The following RGS14 variants were observed in gnomAD, a reference collection of about 807,000 sequenced individuals.
RGS14 encodes regulator of G-protein signaling 14.
In RGS14, 33 loss-of-function variants were observed where a neutral mutation model predicts 63.8. The ratio of observed to expected loss-of-function variants is 0.52; its 90% CI spans 0.39 to 0.69. The LOEUF (loss-of-function observed/expected upper bound fraction) is 0.69, where lower values mean the gene tolerates loss of function less well. RGS14 is among the 30% of genes least tolerant of loss of function. RGS14 has a pLI of 0.00. For synonymous variants in RGS14, 296 were observed against 320.9 expected, an observed-to-expected ratio of 0.92 and a Z score of 0.83; for missense variants, 739 against 742.9, an observed-to-expected ratio of 0.99 and a Z score of 0.06.
chr5:177,367,205 A>T (rs1487778816), intron 5 of RGS14, 171 bp downstream of exon 5: 4 of 1,094,296 alleles, frequency 3.7e-6, no homozygotes, highest in Middle Eastern at 3.2e-4. Flanking sequence ...TATCAGAGGC[A>T]CGGGGAAGGA....
intron 8 of RGS14, among the ~76,000 whole-genome samples, 197 bp downstream of exon 8, chr5:177,368,463 G>A (rs1762162323): frequency 6.6e-6 from 1 of 152,234 alleles, no homozygotes; most frequent in Non-Finnish European, 1.5e-5. Flanking sequence ...ATCCTCAGTT[G>A]GCAAATGTGT....
rs781731097 is a variant in RGS14, at chr5:177,364,576, G to A, written c.46-1387G>A. ...GTCAGGGGTGATAGGCGCTGGAGCC[G>A]TTACCAGGAAGTTGGTTATGTGTGT... is the stretch of plus-strand genomic sequence containing the variant. On this transcript the variant is annotated intron_variant, in intron 1 of 14. Coordinates refer to ENST00000408923, the MANE Select transcript of RGS14 (RefSeq NM_006480.5). The surrounding 1 kb of genome is among the most constrained non-coding windows in gnomAD (Gnocchi z 4.6). Among the ~76,000 whole-genome samples the A allele has an allele frequency of 7.2e-5, 11 of 152,152 alleles. No homozygotes were observed. Among genetic ancestry groups the A allele is most frequent in the Admixed American group, 1.3e-4 (2 of 15,280 alleles).
Position 177,367,702 on chromosome 5 carries a change from C to G in RGS14, c.628-12C>G, listed in dbSNP as rs1229182969. 1.2e-6 allele frequency: 2 copies of G among 1,610,704 alleles called. No individual in the cohort carries two copies. The highest frequency in any genetic ancestry group is 1.1e-5 in the South Asian group (1 of 90,528). ...GCCCAGCCCGGTGCCAGCGCCTCCC[C>G]TGTACCCACAGAAGCCGAAGCTGAA... On this transcript the variant is annotated splice_polypyrimidine_tract_variant and intron_variant, in intron 6 of 14. Transcript: ENST00000408923.
At chr5:177,365,887 T>C in intron 1 of RGS14, 76 bp from the exon 2 acceptor site, 1 of 1,483,048 alleles carries the variant, frequency 6.7e-7, no homozygotes, top group Non-Finnish European at 9.4e-7. Flanking sequence ...TTCCAGCTCC[T>C]GGGAGTCGGG....
intron 7 of RGS14, 60 bp from the exon 8 acceptor site, chr5:177,368,097 T>C (rs2127333538): frequency 6.3e-7 from 1 of 1,579,590 alleles, no homozygotes; most frequent in East Asian, 2.3e-5. Context: ...GGGAACAGGC[T>C]TCCGCAGAGG....
chr5:177,371,655 G>C lies in RGS14; in HGVS notation c.1498+66G>C. The C allele has an allele frequency of 4.7e-6, 7 of 1,491,598 alleles. No individual in the cohort carries two copies. The highest frequency in any genetic ancestry group is 6.5e-6 in the Non-Finnish European group (7 of 1,071,696). 92.4% of individuals were successfully genotyped at this position (1,491,598 alleles called of 1,614,324 possible). Reference sequence around the variant, plus strand: ...GTGGGGTTGGGGACCATTCAGGGTGGCATCAGAGAGCCTTGAGCTAAGGCA... The same window carrying C: ...GTGGGGTTGGGGACCATTCAGGGTGCCATCAGAGAGCCTTGAGCTAAGGCA... On this transcript the variant is annotated intron_variant, in intron 14 of 14. Transcript: ENST00000408923. This position sits in a 1 kb window ranked among gnomAD's most constrained non-coding sequence, Gnocchi z 6.1.
intron 1 of RGS14, among the ~76,000 whole-genome samples, chr5:177,360,566 TAAAAA>T (rs750301708): frequency 0.011 from 717 of 64,816 alleles, 9 homozygotes; most frequent in African/African-American, 0.038. Context: ...GATCCTATAT[TAAAAA>T]AAAAAAAAAA....
chr5:177,369,661 C>T (rs1194300566), intron 9 of RGS14, among the ~76,000 whole-genome samples: 2 of 152,198 alleles, frequency 1.3e-5, no homozygotes, highest in Non-Finnish European at 2.9e-5. Flanking sequence ...TGTGGATGGG[C>T]AGAGCTGTGG....
intron 10 of RGS14, 80 bp downstream of exon 10, chr5:177,370,744 G>GC: frequency 6.5e-7 from 1 of 1,544,154 alleles, no homozygotes. Context: ...GGCTCCCCAG[G>GC]CCCCGCCCCT....
chr5:177,358,008 C>A lies in RGS14; in HGVS notation c.-17C>A. On this transcript the variant is annotated 5_prime_UTR_variant, in exon 1 of 15. Coordinates refer to ENST00000408923, the MANE Select transcript of RGS14 (RefSeq NM_006480.5). The surrounding 1 kb of genome is among the most constrained non-coding windows in gnomAD (Gnocchi z 4.8). ...GGTGGGCAGCCCCCGCGGCGGGGAC[C>A]CCTGATCGGCAGCGGCATGCCAGGG... is the stretch of plus-strand genomic sequence containing the variant. 1 of 1,354,504 alleles carries A rather than the reference C, an allele frequency of 7.4e-7. No homozygotes were observed. The highest frequency in any genetic ancestry group is 9.6e-7 in the Non-Finnish European group (1 of 1,043,716). 83.9% of individuals were successfully genotyped at this position (1,354,504 alleles called of 1,614,324 possible). A position where few individuals can be genotyped will look rare whatever the true frequency, so the allele number is the denominator to read the frequency against.
At chr5:177,370,738 C>T in intron 10 of RGS14, 74 bp downstream of exon 10, 1 of 1,555,802 alleles carries the variant, frequency 6.4e-7, no homozygotes, top group Non-Finnish European at 8.8e-7. Flanking sequence ...CTACCTGGCT[C>T]CCCAGGCCCC....
chr5:177,362,675 G>C (rs1041828116), intron 1 of RGS14, among the ~76,000 whole-genome samples: 3 of 152,096 alleles, frequency 2.0e-5, no homozygotes, highest in South Asian at 2.1e-4. Flanking sequence ...GTGGAGGTGA[G>C]GGGGAGGAAA....
chr5:177,372,196 C>G lies in RGS14; in HGVS notation c.*121C>G. ...CTGGCCCCTTCCTGCCATGGGCAGG[C>G]CCGCAGGAAGAGCCGGTAGGGGTGG... On this transcript the variant is annotated 3_prime_UTR_variant, in exon 15 of 15. Transcript: ENST00000408923. 2 of 1,009,724 alleles carry G rather than the reference C, an allele frequency of 2.0e-6. No individual in the cohort carries two copies. Among genetic ancestry groups the G allele is most frequent in the Non-Finnish European group, 2.9e-6 (2 of 681,276 alleles). 62.5% of individuals were successfully genotyped at this position (1,009,724 alleles called of 1,614,324 possible). A position where few individuals can be genotyped will look rare whatever the true frequency, so the allele number is the denominator to read the frequency against.
In RGS14 at chr5:177,372,353, A is replaced by T; in HGVS notation, c.*278A>T. ...GCCCCTTGGAACAGGCTTGCCCAAC[A>T]TGGAGGGATGGCGTTGGCAGTGCCA... is the stretch of plus-strand genomic sequence containing the variant. On this transcript the variant is annotated 3_prime_UTR_variant, in exon 15 of 15. Transcript: ENST00000408923. The T allele has an allele frequency of 2.8e-6, 1 of 356,394 alleles. No homozygotes were observed. Among genetic ancestry groups the T allele is most frequent in the Non-Finnish European group, 5.1e-6 (1 of 195,062 alleles). 22.1% of individuals were successfully genotyped at this position (356,394 alleles called of 1,614,324 possible). A position where few individuals can be genotyped will look rare whatever the true frequency, so the allele number is the denominator to read the frequency against.
In RGS14 at chr5:177,371,072, GCC is replaced by G. The variant is rs1214556738; in HGVS notation, c.1254+42_1254+43del. 56 of 162,378 alleles carry G rather than the reference GCC, an allele frequency of 3.4e-4. No individual in the cohort carries two copies. Among genetic ancestry groups the G allele is most frequent in the South Asian group, 1.5e-3 (4 of 2,734 alleles). The allele number at this position is 162,378 out of a possible 1,614,324, so 10.1% of individuals were successfully genotyped here. A position where few individuals can be genotyped will look rare whatever the true frequency, so the allele number is the denominator to read the frequency against. ...GCGGGGCGGGGCGGGGCGGGGCCGG[GCC>G]GGGGCCGGGGCCGGGGCCGGGGCCG... On this transcript the variant is annotated intron_variant, in intron 11 of 14. Transcript: ENST00000408923. This position sits in a 1 kb window ranked among gnomAD's most constrained non-coding sequence, Gnocchi z 6.1.
chr5:177,367,455 C>G lies in RGS14; in HGVS notation c.525C>G (p.Val175=). The change falls in exon 6 of 15, where the codon GTC becomes GTG. Residue 175 remains valine, a synonymous_variant. Transcript: ENST00000408923. ...LMKFDSYARF[V]KSPLYRECLL... is the part of the protein sequence containing the mutation. ...AGTTCGACAGCTATGCGCGCTTCGT[C>G]AAGTCCCCGCTGTACCGCGAGTGCC... 6.2e-7 allele frequency: 1 copy of G among 1,612,158 alleles called. No individual in the cohort carries two copies. The highest frequency in any genetic ancestry group is 8.5e-7 in the Non-Finnish European group (1 of 1,179,216).
chr5:177,369,028 C>A, intron 9 of RGS14, 108 bp downstream of exon 9: 1 of 1,148,762 alleles, frequency 8.7e-7, no homozygotes, highest in Non-Finnish European at 1.3e-6. Context: ...AGTTCTAAAC[C>A]CAACTCCAAA....
Position 177,370,679 on chromosome 5 carries a change from CCCAAGTCTGGGT to C in RGS14, c.1127+18_1127+29del. The C allele has an allele frequency of 1.2e-6, 2 of 1,613,430 alleles. No individual in the cohort carries two copies. The highest frequency in any genetic ancestry group is 1.7e-6 in the Non-Finnish European group (2 of 1,179,512). On this transcript the variant is annotated intron_variant, in intron 10 of 14. Coordinates refer to ENST00000408923, the MANE Select transcript of RGS14 (RefSeq NM_006480.5). Reference sequence around the variant, plus strand: ...ATCACCTTCGAGTGAGTGTCCTGCCCCCAAGTCTGGGTCCCAGGTCCTGACGCTCCCTTCAGG... The same window carrying C: ...ATCACCTTCGAGTGAGTGTCCTGCCCCCCAGGTCCTGACGCTCCCTTCAGG...
rs1052506048 is a variant in RGS14 at position 177,359,757 on chromosome 5, C to T, written c.45+1688C>T. On this transcript the variant is annotated intron_variant, in intron 1 of 14. Transcript: ENST00000408923. This position sits in a 1 kb window ranked among gnomAD's most constrained non-coding sequence, Gnocchi z 4.4. The stretch of plus-strand genomic sequence containing the variant: ...GCCTGCTGGTCACTGAGTAGCTTCC[C>T]GTGGCCCTGCACAGCTAGGGCAGGG... Among the ~76,000 whole-genome samples, 2 of 152,244 alleles carry T rather than the reference C, an allele frequency of 1.3e-5. No individual in the cohort carries two copies. Among genetic ancestry groups the T allele is most frequent in the Admixed American group, 6.5e-5 (1 of 15,286 alleles).
Sources: allele counts gnomAD v4.1 joint callset (sites outside exome capture counted in the v4.1 genomes callset), GRCh38; gene constraint gnomAD v4.1.1; non-coding constraint Gnocchi (gnomAD v3.1); transcripts MANE v1.5; gene names NCBI Gene and HGNC (gene_info 2026-07-23, HGNC 2026-07-21).